EYS: variants seen among roughly 807,000 people sequenced by gnomAD.
The protein encoded by EYS is EGF-like photoreceptor maintenance factor.
In EYS, 250 loss-of-function variants were observed where a neutral mutation model predicts 282.1. The ratio of observed to expected loss-of-function variants is 0.89; its 90% CI spans 0.80 to 0.98. EYS has a LOEUF of 0.98. Among genes scored for constraint, EYS ranks in the 50% least tolerant of loss-of-function variants. EYS has a pLI of 0.00. For missense variants in EYS, 4,016 were observed against 3,709.0 expected, an observed-to-expected ratio of 1.08 and a Z score of -2.15; for synonymous variants, 1,355 against 1,282.9, an observed-to-expected ratio of 1.06 and a Z score of -1.20.
chr6:63,892,739 T>C (rs1167318667), intron 35 of EYS, among the ~76,000 whole-genome samples: 1 of 152,154 alleles, frequency 6.6e-6, no homozygotes, highest in Admixed American at 6.5e-5. Context: ...TGGGGTCTAA[T>C]TAAACTAAAG....
intron 13 of EYS, among the ~76,000 whole-genome samples, chr6:65,021,878 G>A (rs1053343934): frequency 2.0e-5 from 3 of 152,124 alleles, no homozygotes; most frequent in Non-Finnish European, 4.4e-5. Flanking sequence ...GAACTGCTGA[G>A]CAAAAGAGGG....
intron 19 of EYS, among the ~76,000 whole-genome samples, chr6:64,835,310 A>G (rs1765348593): frequency 6.6e-6 from 1 of 151,716 alleles, no homozygotes; most frequent in South Asian, 2.1e-4. Flanking sequence ...AGAACTAGAA[A>G]CATGTGCATA....
intron 30 of EYS, among the ~76,000 whole-genome samples, chr6:64,298,168 AT>A (rs112336777): frequency 2.3e-4 from 35 of 152,306 alleles, no homozygotes; most frequent in African/African-American, 7.2e-4. Flanking sequence ...ATAGGCAATT[AT>A]TAAAGTTAAA....
intron 29 of EYS, among the ~76,000 whole-genome samples, chr6:64,336,518 A>G (rs538632964): frequency 1.1e-4 from 17 of 152,266 alleles, no homozygotes; most frequent in African/African-American, 3.1e-4. Flanking sequence ...CAGCAACACA[A>G]TAATTGTGGG....
chr6:65,238,180 C>A (rs1369021676), intron 12 of EYS, among the ~76,000 whole-genome samples: 1 of 151,022 alleles, frequency 6.6e-6, no homozygotes, highest in Non-Finnish European at 1.5e-5. Context: ...CTATTAATTC[C>A]TGTTATATTT....
At chr6:65,382,457 CTGTGTGTG>C (rs55949006) in intron 8 of EYS, among the ~76,000 whole-genome samples, 2,313 of 111,964 alleles carry the variant, frequency 0.021, 24 homozygotes, top group African/African-American at 0.038. Flanking sequence ...CTCCTTTCCT[CTGTGTGTG>C]TGTGTGTGTG....
At chr6:65,117,009 T>C (rs545489746) in intron 12 of EYS, among the ~76,000 whole-genome samples, 1 of 152,280 alleles carries the variant, frequency 6.6e-6, no homozygotes, top group East Asian at 1.9e-4. Context: ...ACTTTTCTTT[T>C]GTCTTGAAGT....
chr6:65,543,370 T>G (rs1389193222), intron 2 of EYS, among the ~76,000 whole-genome samples: 5 of 148,132 alleles, frequency 3.4e-5, no homozygotes, highest in African/African-American at 1.2e-4. Context: ...TGCTAAATAT[T>G]TATATATATT....
chr6:64,447,330 C>G (rs1775148060), intron 26 of EYS, among the ~76,000 whole-genome samples: 1 of 152,170 alleles, frequency 6.6e-6, no homozygotes, highest in African/African-American at 2.4e-5. Flanking sequence ...TTTACATAAT[C>G]CATTTTAGCT....
intron 35 of EYS, among the ~76,000 whole-genome samples, chr6:63,977,922 G>A (rs929772410): frequency 6.6e-6 from 1 of 152,024 alleles, no homozygotes. Context: ...TTGAACTTGA[G>A]GTTTGTCCAA....
chr6:64,617,143 G>C (rs1767299365), intron 24 of EYS, among the ~76,000 whole-genome samples: 1 of 152,112 alleles, frequency 6.6e-6, no homozygotes, highest in Non-Finnish European at 1.5e-5. Flanking sequence ...AATGCATTAA[G>C]ACATTAAAGG....
At chr6:65,059,334 G>A (rs912192123) in intron 12 of EYS, among the ~76,000 whole-genome samples, 2 of 152,046 alleles carry the variant, frequency 1.3e-5, no homozygotes, top group African/African-American at 4.8e-5. Context: ...ATGGTTGAGA[G>A]TTTTTAAGAG....
chr6:64,132,374 T>C (rs1020237495), intron 31 of EYS, among the ~76,000 whole-genome samples: 1 of 152,044 alleles, frequency 6.6e-6, no homozygotes, highest in Non-Finnish European at 1.5e-5. Flanking sequence ...CAGTAATCTT[T>C]GGATTAAAAA....
At chr6:64,555,371 G>C (rs1198969053) in intron 26 of EYS, among the ~76,000 whole-genome samples, 4 of 151,754 alleles carry the variant, frequency 2.6e-5, no homozygotes, top group Non-Finnish European at 4.4e-5. Context: ...GAGAAGTGAG[G>C]AGATGTTGGA....
intron 2 of EYS, among the ~76,000 whole-genome samples, chr6:65,570,861 T>C (rs966456058): frequency 5.3e-5 from 8 of 152,166 alleles, no homozygotes; most frequent in Admixed American, 2.0e-4. Context: ...TTCAGTAGAT[T>C]AAAAGTAACT....
At chr6:64,648,284 C>T (rs1445239388) in intron 22 of EYS, among the ~76,000 whole-genome samples, 1 of 152,126 alleles carries the variant, frequency 6.6e-6, no homozygotes, top group Non-Finnish European at 1.5e-5. Context: ...AACCACACTG[C>T]TTGTGTGACA....
intron 30 of EYS, among the ~76,000 whole-genome samples, chr6:64,257,797 GAT>G (rs1233636219): frequency 6.6e-6 from 1 of 151,864 alleles, no homozygotes; most frequent in Non-Finnish European, 1.5e-5. Flanking sequence ...TGATGATGAT[GAT>G]GATGATGTTG....
At chr6:65,007,930 A>G (rs545167775) in intron 13 of EYS, among the ~76,000 whole-genome samples, 1 of 152,170 alleles carries the variant, frequency 6.6e-6, no homozygotes, top group Non-Finnish European at 1.5e-5. Flanking sequence ...GCTAAATCAG[A>G]CACTAACCCC....
intron 22 of EYS, among the ~76,000 whole-genome samples, chr6:64,697,530 C>T (rs942270510): frequency 1.3e-5 from 2 of 152,106 alleles, no homozygotes; most frequent in East Asian, 3.9e-4. Context: ...GGACTTTAGA[C>T]CAAATAAACC....
Sources: allele counts gnomAD v4.1 joint callset (sites outside exome capture counted in the v4.1 genomes callset), GRCh38; gene constraint gnomAD v4.1.1; transcripts MANE v1.5; gene names NCBI Gene and HGNC (gene_info 2026-07-23, HGNC 2026-07-21).